The following NTRK2 variants were observed in gnomAD, a reference collection of about 807,000 sequenced individuals.
NTRK2 encodes the protein BDNF/NT-3 growth factors receptor.
NTRK2 carries 13 observed loss-of-function variants against 94.5 expected under a neutral mutation model. The observed-to-expected ratio is 0.14, with a 90% CI of 0.09 to 0.22. NTRK2 has a LOEUF of 0.22. NTRK2 is among the 10% of genes least tolerant of loss of function. NTRK2 has a pLI of 1.00. For missense variants in NTRK2, 639 were observed against 1,071.2 expected (o/e 0.60, Z 5.63); for synonymous variants, 372 against 407.4 (o/e 0.91, Z 1.05).
In NTRK2 at chr9:84,948,609, C is replaced by G. The variant is rs552897673; in HGVS notation, c.1912C>G (p.His638Asp). 1 of 1,614,006 alleles carries G rather than the reference C, an allele frequency of 6.2e-7. No individual in the cohort carries two copies. Among genetic ancestry groups the G allele is most frequent in the Non-Finnish European group, 8.5e-7 (1 of 1,180,032 alleles). ...PLIMVFEYMKHGDLNKFLRAH... is the reference protein window; with the variant it reads ...PLIMVFEYMKDGDLNKFLRAH... ...CATCATGGTCTTTGAGTACATGAAG[C>G]ATGGGGACCTCAACAAGTTCCTCAG... Residue 638 changes from histidine (H) to aspartate (D), a missense_variant, in exon 16 of 19, where the codon CAT becomes GAT. His to Asp is a moderately conservative substitution (Grantham distance 81, BLOSUM62 -1). Coordinates refer to ENST00000277120, the MANE Select transcript of NTRK2 (RefSeq NM_006180.6).
intron 12 of NTRK2, among the ~76,000 whole-genome samples, chr9:84,773,710 G>A (rs1031685843): frequency 6.6e-6 from 1 of 152,152 alleles, no homozygotes. Flanking sequence ...GAAGGTTTAT[G>A]ATAGCCAGTT....
chr9:84,674,679 C>A (rs2058921149), intron 2 of NTRK2, among the ~76,000 whole-genome samples: 1 of 152,188 alleles, frequency 6.6e-6, no homozygotes, highest in Admixed American at 6.5e-5. Context: ...TAATTTACAT[C>A]ATTCATTATT....
chr9:84,975,785 T>A (rs62563928), intron 17 of NTRK2, among the ~76,000 whole-genome samples: 123,608 of 150,698 alleles, frequency 0.82, 50,492 homozygotes, highest in African/African-American at 0.87. Context: ...TTGTGTGAAT[T>A]GTATTCACAC....
intron 2 of NTRK2, among the ~76,000 whole-genome samples, chr9:84,684,172 T>C (rs1347764242): frequency 6.6e-6 from 1 of 152,240 alleles, no homozygotes; most frequent in East Asian, 1.9e-4. Context: ...ATAGTTTCTT[T>C]TGCTGTGTAG....
At chr9:84,907,972 A>C (rs966936279) in intron 14 of NTRK2, among the ~76,000 whole-genome samples, 2 of 152,028 alleles carry the variant, frequency 1.3e-5, no homozygotes, top group Non-Finnish European at 2.9e-5. Flanking sequence ...TCCTCTAGAA[A>C]CCTTTACTGC....
At chr9:84,685,603 G>A (rs2059664807) in intron 2 of NTRK2, among the ~76,000 whole-genome samples, 1 of 152,030 alleles carries the variant, frequency 6.6e-6, no homozygotes, top group Non-Finnish European at 1.5e-5. Context: ...CCATTTCTCA[G>A]CCTCATTTCA....
At position 85,002,383 on chromosome 9, in the gene NTRK2, C is replaced by T. The variant is rs531342014; in HGVS notation, c.2173-17823C>T. ...TTTGCATCTGGTGTGAGCTCACATG[C>T]GTGGATGCAGAAGCTTCCCAGGTGC... On this transcript the variant is annotated intron_variant, in intron 17 of 18. Transcript: ENST00000277120. Among the ~76,000 whole-genome samples, 11 of 152,302 alleles carry T rather than the reference C, an allele frequency of 7.2e-5. No homozygotes were observed. The South Asian group carries it at 1.9e-3, about 26-fold the overall frequency.
intron 14 of NTRK2, among the ~76,000 whole-genome samples, chr9:84,926,826 A>G (rs1026293292): frequency 6.6e-6 from 1 of 152,216 alleles, no homozygotes; most frequent in African/African-American, 2.4e-5. Context: ...CCATGCCCAA[A>G]GCATTCTTGA....
intron 6 of NTRK2, among the ~76,000 whole-genome samples, chr9:84,721,149 G>A (rs956549587): frequency 5.3e-5 from 8 of 151,602 alleles, no homozygotes; most frequent in African/African-American, 1.9e-4. Flanking sequence ...GTGTTAGTAA[G>A]GCTTGCATAC....
intron 10 of NTRK2, among the ~76,000 whole-genome samples, chr9:84,743,736 A>G (rs566785707): frequency 4.6e-5 from 7 of 152,352 alleles, no homozygotes; most frequent in African/African-American, 1.7e-4. Context: ...ATACTAAACT[A>G]TAGACACTTG....
intron 12 of NTRK2, among the ~76,000 whole-genome samples, chr9:84,755,525 C>CTTTTTTTTTTTTTTTTTTTTTTTTT (rs745611460): frequency 1.6e-5 from 1 of 60,644 alleles, no homozygotes; most frequent in African/African-American, 7.0e-5. Flanking sequence ...AGTCCCACCT[C>CTTTTTTTTTTTTTTTTTTTTTTTTT]TTTTTTTTTT....
chr9:84,804,909 A>G (rs1276846436), intron 12 of NTRK2, among the ~76,000 whole-genome samples: 1 of 152,224 alleles, frequency 6.6e-6, no homozygotes, highest in East Asian at 1.9e-4. Flanking sequence ...GGGTGTCTCC[A>G]TGTGGTAGTA....
intron 9 of NTRK2, among the ~76,000 whole-genome samples, chr9:84,730,760 A>AAC (rs1287208483): frequency 1.8e-5 from 2 of 113,004 alleles, no homozygotes; most frequent in Admixed American, 2.0e-4. Flanking sequence ...AAAAAAAAAA[A>AAC]CTAAAGAAAA....
At chr9:84,917,428 TG>T (rs2077427487) in intron 14 of NTRK2, among the ~76,000 whole-genome samples, 1 of 152,112 alleles carries the variant, frequency 6.6e-6, no homozygotes, top group African/African-American at 2.4e-5. Flanking sequence ...GGCAGCTTCT[TG>T]GTTGCAATGA....
intron 10 of NTRK2, among the ~76,000 whole-genome samples, chr9:84,743,409 G>A (rs2063812396): frequency 6.6e-6 from 1 of 152,026 alleles, no homozygotes; most frequent in African/African-American, 2.4e-5. Flanking sequence ...ATATGCGTGT[G>A]TATTTAACCT....
At chr9:84,886,411 G>A (rs1340473542) in intron 14 of NTRK2, among the ~76,000 whole-genome samples, 1 of 152,210 alleles carries the variant, frequency 6.6e-6, no homozygotes, top group Non-Finnish European at 1.5e-5. Context: ...TGATGGTTTG[G>A]AGAAATGTAA....
chr9:84,694,679 A>G (rs187423907), intron 2 of NTRK2, among the ~76,000 whole-genome samples: 8 of 152,248 alleles, frequency 5.3e-5, no homozygotes, highest in Admixed American at 2.6e-4. Flanking sequence ...TCTACTCCCT[A>G]TGAAAGAAAC....
chr9:84,777,349 A>G (rs573100509), intron 12 of NTRK2, among the ~76,000 whole-genome samples: 1 of 152,314 alleles, frequency 6.6e-6, no homozygotes, highest in Non-Finnish European at 1.5e-5. Context: ...TAGGAAGAAA[A>G]GCAGAGATAA....
intron 6 of NTRK2, among the ~76,000 whole-genome samples, chr9:84,714,054 C>T (rs1189736114): frequency 6.6e-6 from 1 of 152,080 alleles, no homozygotes; most frequent in Non-Finnish European, 1.5e-5. Context: ...TTGGCTCCAC[C>T]CATGCTGGCC....
Sources: gnomAD v4.1 joint callset for allele counts (sites outside exome capture counted in the v4.1 genomes callset) on GRCh38, gnomAD v4.1.1 for gene constraint, MANE v1.5 for transcripts, NCBI Gene and HGNC (gene_info 2026-07-23, HGNC 2026-07-21) for gene names.